DAB2IP: variants seen among roughly 807,000 people sequenced by gnomAD.
DAB2IP encodes the protein DAB2 interacting protein.
DAB2IP carries 28 observed loss-of-function variants against 107.2 expected under a neutral mutation model. The ratio of observed to expected loss-of-function variants is 0.26; its 90% confidence interval spans 0.19 to 0.36. The LOEUF (loss-of-function observed/expected upper bound fraction) is 0.36. Among genes scored for constraint, DAB2IP ranks in the 10% least tolerant of loss-of-function variants. The probability of loss-of-function intolerance (pLI) is 1.00; values close to 1 mark genes in which losing one functional copy is unlikely to be tolerated. For synonymous variants in DAB2IP, 755 were observed against 706.4 expected (o/e 1.07, Z -1.09); for missense variants, 1,400 against 1,644.7 (o/e 0.85, Z 2.57).
intron 1 of DAB2IP, among the ~76,000 whole-genome samples, chr9:121,607,621 T>G (rs1053145064): frequency 6.6e-6 from 1 of 152,150 alleles, no homozygotes; most frequent in Admixed American, 6.5e-5. Flanking sequence ...CATCGTTCCT[T>G]TGTTGCTTCC....
chr9:121,742,045 CAG>C (rs1832387915), intron 3 of DAB2IP, among the ~76,000 whole-genome samples: 1 of 152,062 alleles, frequency 6.6e-6, no homozygotes, highest in African/African-American at 2.4e-5. Context: ...ATCACAGAAA[CAG>C]AGTGAGGGTG....
chr9:121,691,442 T>C (rs1589523621), intron 2 of DAB2IP, among the ~76,000 whole-genome samples: 1 of 145,720 alleles, frequency 6.9e-6, no homozygotes. Flanking sequence ...TGGTCTCTGG[T>C]GGTCAAAGGA....
At chr9:121,778,397 G>A (rs765728379) in intron 14 of DAB2IP, among the ~76,000 whole-genome samples, 5 of 152,198 alleles carry the variant, frequency 3.3e-5, no homozygotes, top group African/African-American at 9.6e-5. Context: ...TTTATTTTAC[G>A]GGCACCATAC....
chr9:121,723,218 GC>G (rs567763756), intron 3 of DAB2IP, among the ~76,000 whole-genome samples: 1,918 of 152,362 alleles, frequency 0.013, 35 homozygotes, highest in African/African-American at 0.042. Context: ...ACAGACTCAG[GC>G]CGTGGGCTGC....
intron 3 of DAB2IP, among the ~76,000 whole-genome samples, chr9:121,747,253 C>T (rs1429552768): frequency 6.6e-6 from 1 of 151,848 alleles, no homozygotes; most frequent in African/African-American, 2.4e-5. Context: ...GTTGTCCCTG[C>T]TCAGAAGCAA....
chr9:121,642,488 C>CTTTTTTTT (rs59223844), intron 1 of DAB2IP, among the ~76,000 whole-genome samples: 1 of 131,184 alleles, frequency 7.6e-6, no homozygotes, highest in African/African-American at 3.2e-5. Context: ...GCTTTTTTTT[C>CTTTTTTTT]TTTTTTTTTT....
At position 121,729,086 on chromosome 9, in the gene DAB2IP, G is replaced by T. The variant is rs147971312; in HGVS notation, c.363-27927G>T. 4.8e-4 allele frequency among the ~76,000 whole-genome samples: 73 copies of T among 152,244 alleles called. No individual in the cohort carries two copies. The Middle Eastern group carries it at 0.017, about 35-fold the overall frequency. On this transcript the variant is annotated intron_variant, in intron 3 of 15. Transcript: ENST00000408936. ...TTGCTCTGTGCCAGGCTTCCTCCCA[G>T]GTACTTGACAGTCATCAGCTCATTT...
intron 3 of DAB2IP, among the ~76,000 whole-genome samples, chr9:121,709,569 CAGAG>C (rs2118772340): frequency 6.6e-6 from 1 of 152,306 alleles, no homozygotes; most frequent in South Asian, 2.1e-4. Flanking sequence ...TCATAAGTGG[CAGAG>C]CTGGGTTTCA....
chr9:121,615,631 CTTTT>C (rs10710830), intron 1 of DAB2IP, among the ~76,000 whole-genome samples: 2 of 139,304 alleles, frequency 1.4e-5, no homozygotes, highest in Admixed American at 7.2e-5. Flanking sequence ...AACTTTCTTT[CTTTT>C]TTTTTTTTTT....
intron 5 of DAB2IP, 55 bp downstream of exon 5, chr9:121,759,051 G>A (rs1313047475): frequency 6.5e-7 from 1 of 1,537,240 alleles, no homozygotes; most frequent in African/African-American, 1.4e-5. Context: ...GGCTCAGATA[G>A]GAGGAAACAA....
rs1287150857 is a variant in DAB2IP, at chr9:121,622,456, G to A, written c.40+55228G>A. 1.3e-5 allele frequency among the ~76,000 whole-genome samples: 2 copies of A among 152,172 alleles called. 1 individual carries two copies. The highest frequency in any genetic ancestry group is 4.8e-5 in the African/African-American group (2 of 41,450). ...TGTGTGCTTTGAGGAGGCCAGGATG[G>A]GGACCTCCAATACCTGACACAGGGC... On this transcript the variant is annotated intron_variant, in intron 1 of 16. Coordinates refer to the DAB2IP transcript ENST00000259371.
rs1460188436 is a variant in DAB2IP at position 121,760,834 on chromosome 9, G to A, written c.1170+395G>A. Among the ~76,000 whole-genome samples, 1 of 152,188 alleles carries A rather than the reference G, an allele frequency of 6.6e-6. No individual in the cohort carries two copies. The highest frequency in any genetic ancestry group is 1.5e-5 in the Non-Finnish European group (1 of 68,048). On this transcript the variant is annotated intron_variant, in intron 6 of 15. Transcript: ENST00000408936. The surrounding 1 kb of genome is among the most constrained non-coding windows in gnomAD (Gnocchi z 5.9). ...GTGAGCCAAACACACGTCCCCTGTG[G>A]GGTATGGAGTTCGGCAGACCTCCCC... is the stretch of plus-strand genomic sequence containing the variant.
chr9:121,607,257 T>C (rs928020734), intron 1 of DAB2IP, among the ~76,000 whole-genome samples: 3 of 152,112 alleles, frequency 2.0e-5, no homozygotes, highest in Middle Eastern at 3.4e-3. Context: ...AGGAGAGAGA[T>C]TGATGATGGT....
In DAB2IP at chr9:121,699,205, G is replaced by C. The variant is rs921080529; in HGVS notation, c.229-120G>C. ...CGCGAGCTGCTGGGGCCGAGCCCGA[G>C]CCCGGCCCGCCCTCGGCCGCGCGGC... On this transcript the variant is annotated intron_variant, in intron 2 of 15. Coordinates refer to ENST00000408936, the Ensembl canonical transcript of DAB2IP. This position sits in a 1 kb window ranked among gnomAD's most constrained non-coding sequence, Gnocchi z 6.2. 24 of 980,024 alleles carry C rather than the reference G, an allele frequency of 2.4e-5. No individual in the cohort carries two copies. The South Asian group carries it at 3.2e-4, about 13-fold the overall frequency. The allele number at this position is 980,024 out of a possible 1,614,324, so 60.7% of individuals were successfully genotyped here. A position where few individuals can be genotyped will look rare whatever the true frequency, so the allele number is the denominator to read the frequency against.
intron 1 of DAB2IP, among the ~76,000 whole-genome samples, chr9:121,595,627 G>GAAGA (rs1333970658): frequency 6.6e-6 from 1 of 150,748 alleles, no homozygotes; most frequent in African/African-American, 2.4e-5. Context: ...AAAAGAAGAA[G>GAAGA]AAGAAAGAAA....
intron 9 of DAB2IP, 137 bp from the exon 10 acceptor site, chr9:121,768,295 A>C (rs181867596): frequency 5.2e-5 from 47 of 900,830 alleles, no homozygotes; most frequent in Middle Eastern, 6.3e-4. Context: ...GTCAGAGCAT[A>C]TTCAGCTGAC....
intron 1 of DAB2IP, among the ~76,000 whole-genome samples, chr9:121,577,501 G>A (rs948188329): frequency 6.6e-6 from 1 of 152,242 alleles, no homozygotes; most frequent in African/African-American, 2.4e-5. Context: ...CTCCTCAGGA[G>A]CCCGTGAGTG....
intron 1 of DAB2IP, among the ~76,000 whole-genome samples, chr9:121,642,029 C>CTTTCTTTCTTTCTTTCTTTCTTTCTT (rs879760304): frequency 5.6e-4 from 15 of 26,682 alleles, no homozygotes; most frequent in Non-Finnish European, 9.7e-4. Flanking sequence ...CTCTCTCTCT[C>CTTTCTTTCTTTCTTTCTTTCTTTCTT]TCTTTCTTTC....
Position 121,599,505 on chromosome 9 carries a change from G to A in DAB2IP, c.40+32277G>A, listed in dbSNP as rs1316528464. ...CTGGGCCTGCGATTGGCAGGGCTGG[G>A]CAGGCCGGGTGGCCGCGGGAGCCCG... On this transcript the variant is annotated intron_variant, in intron 1 of 16. Transcript: ENST00000259371. This position sits in a 1 kb window ranked among gnomAD's most constrained non-coding sequence, Gnocchi z 6.9. Among the ~76,000 whole-genome samples, 1 of 151,962 alleles carries A rather than the reference G, an allele frequency of 6.6e-6. No individual in the cohort carries two copies. Among genetic ancestry groups the A allele is most frequent in the African/African-American group, 2.4e-5 (1 of 41,422 alleles).
Sources: allele counts gnomAD v4.1 joint callset (sites outside exome capture counted in the v4.1 genomes callset), GRCh38; gene constraint gnomAD v4.1.1; non-coding constraint Gnocchi (gnomAD v3.1); transcripts MANE v1.5; gene names NCBI Gene and HGNC (gene_info 2026-07-23, HGNC 2026-07-21).